The following CHN2 variants were observed in gnomAD, a reference collection of about 807,000 sequenced individuals.
CHN2 encodes the protein chimerin 2.
CHN2 carries 35 observed loss-of-function variants against 56.3 expected under a neutral mutation model. The observed-to-expected ratio is 0.62, with a 90% CI of 0.47 to 0.82. The LOEUF (loss-of-function observed/expected upper bound fraction) is 0.82. CHN2 is among the 40% of genes least tolerant of loss of function. CHN2 has a pLI of 0.00. For synonymous variants in CHN2, 210 were observed against 212.8 expected, an observed-to-expected ratio of 0.99 and a Z score of 0.12; for missense variants, 491 against 580.5, an observed-to-expected ratio of 0.85 and a Z score of 1.58.
chr7:29,159,664 G>A (rs1042363675), intron 2 of CHN2, among the ~76,000 whole-genome samples: 1 of 151,862 alleles, frequency 6.6e-6, no homozygotes, highest in African/African-American at 2.4e-5. Flanking sequence ...CCTTCTCAGT[G>A]AGATCTACCC....
At chr7:29,188,379 T>G (rs1798976094) in intron 2 of CHN2, among the ~76,000 whole-genome samples, 1 of 152,194 alleles carries the variant, frequency 6.6e-6, no homozygotes, top group African/African-American at 2.4e-5. Context: ...TAAATACATA[T>G]TAAACTTTCC....
intron 1 of CHN2, among the ~76,000 whole-genome samples, chr7:29,215,106 C>T (rs975372784): frequency 6.6e-6 from 1 of 152,090 alleles, no homozygotes; most frequent in Non-Finnish European, 1.5e-5. Flanking sequence ...AGTTCACAGT[C>T]CAAAGTTTGA....
At chr7:29,323,360 C>T (rs137902073) in intron 1 of CHN2, among the ~76,000 whole-genome samples, 4 of 152,046 alleles carry the variant, frequency 2.6e-5, no homozygotes, top group Admixed American at 1.3e-4. Context: ...CTCCTCCAGA[C>T]GTATTCCAAT....
In CHN2 at chr7:29,483,221, A is replaced by T. The variant is rs78173251; in HGVS notation, c.654+2865A>T. On this transcript the variant is annotated intron_variant, in intron 7 of 12. Coordinates refer to ENST00000222792, the MANE Select transcript of CHN2 (RefSeq NM_004067.4). ...ATTGTTTGCCCCAGTCAGAACTATT[A>T]CCCCAGGTAAAAAGCCCTTTCCTTT... 6.3e-3 allele frequency among the ~76,000 whole-genome samples: 954 copies of T among 152,148 alleles called. 9 individuals carry two copies. Among genetic ancestry groups the T allele is most frequent in the African/African-American group, 0.022 (904 of 41,498 alleles).
intron 6 of CHN2, among the ~76,000 whole-genome samples, chr7:29,418,066 T>G (rs1045172244): frequency 1.2e-4 from 18 of 152,202 alleles, no homozygotes; most frequent in African/African-American, 4.3e-4. Context: ...AGTGGAGAGA[T>G]GAAGGATTGC....
At chr7:29,487,235 G>GT (rs1019132059) in intron 7 of CHN2, among the ~76,000 whole-genome samples, 9 of 150,284 alleles carry the variant, frequency 6.0e-5, no homozygotes, top group Non-Finnish European at 1.3e-4. Flanking sequence ...GTTTTGTTTT[G>GT]TTTTTTAAGT....
rs901818650 is a variant in CHN2 at position 29,513,604 on chromosome 7, A to T, written c.*869A>T. 5 of 123,014 alleles carry T rather than the reference A, an allele frequency of 4.1e-5. No homozygotes were observed. The highest frequency in any genetic ancestry group is 1.7e-4 in the African/African-American group (5 of 28,980). 7.6% of individuals were successfully genotyped at this position (123,014 alleles called of 1,614,324 possible). The stretch of plus-strand genomic sequence containing the variant: ...ACACTGGATGTATCTGGTCTGTGTA[A>T]AAAGTTAGCACTTACCCTCTTTTCT... On this transcript the variant is annotated 3_prime_UTR_variant, in exon 13 of 13. Coordinates refer to ENST00000222792, the MANE Select transcript of CHN2 (RefSeq NM_004067.4).
chr7:29,349,298 T>G (rs1797700587), intron 1 of CHN2, among the ~76,000 whole-genome samples: 2 of 152,202 alleles, frequency 1.3e-5, no homozygotes, highest in Admixed American at 1.3e-4. Context: ...GTTTACAGAT[T>G]AAGCATTATA....
At chr7:29,295,123 A>G (rs1375873375) in intron 1 of CHN2, among the ~76,000 whole-genome samples, 4 of 152,244 alleles carry the variant, frequency 2.6e-5, no homozygotes, top group Non-Finnish European at 5.9e-5. Context: ...ATCAAATACA[A>G]TGTAAATGCT....
intron 2 of CHN2, among the ~76,000 whole-genome samples, chr7:29,160,934 C>T (rs1393385599): frequency 6.6e-6 from 1 of 152,112 alleles, no homozygotes; most frequent in East Asian, 1.9e-4. Flanking sequence ...ATATCTGTCA[C>T]CCCTGAGATA....
At chr7:29,391,956 C>T (rs1801402495) in intron 3 of CHN2, among the ~76,000 whole-genome samples, 2 of 152,176 alleles carry the variant, frequency 1.3e-5, no homozygotes, top group African/African-American at 4.8e-5. Context: ...TGTGGCTCAT[C>T]TGGGAAGTTA....
chr7:29,273,343 GTATA>G (rs55722880), intron 1 of CHN2, among the ~76,000 whole-genome samples: 1,184 of 57,864 alleles, frequency 0.02, 15 homozygotes, highest in Non-Finnish European at 0.023. Flanking sequence ...ATATATATGT[GTATA>G]TATATATATA....
At chr7:29,338,985 C>T (rs1453926559) in intron 1 of CHN2, among the ~76,000 whole-genome samples, 1 of 152,182 alleles carries the variant, frequency 6.6e-6, no homozygotes, top group Admixed American at 6.5e-5. Flanking sequence ...TCAAAATTAT[C>T]TTTCACAAAA....
chr7:29,173,130 CAA>C (rs56379349), intron 2 of CHN2, among the ~76,000 whole-genome samples: 52 of 80,112 alleles, frequency 6.5e-4, no homozygotes, highest in East Asian at 7.8e-4. Context: ...GACTCTGTAT[CAA>C]AAAAAAAAAA....
In CHN2 at chr7:29,170,715, C is replaced by T. The variant is rs185259200; in HGVS notation, c.274+23755C>T. ...TCTGTTTTCACACTGCTGATAAAGA[C>T]GTACTCGCGACTGGGCAATTTACAA... On this transcript the variant is annotated intron_variant, in intron 2 of 6. Transcript: ENST00000439384. Among the ~76,000 whole-genome samples the T allele has an allele frequency of 1.2e-4, 18 of 152,306 alleles. No homozygotes were observed. The East Asian group carries it at 2.9e-3, about 25-fold the overall frequency.
chr7:29,294,145 T>C (rs1025104046), intron 1 of CHN2, among the ~76,000 whole-genome samples: 2 of 152,034 alleles, frequency 1.3e-5, no homozygotes, highest in Admixed American at 6.5e-5. Context: ...GGATTACAGG[T>C]GTGAGCCACG....
intron 1 of CHN2, among the ~76,000 whole-genome samples, chr7:29,332,209 C>T (rs1269682384): frequency 6.6e-6 from 1 of 152,190 alleles, no homozygotes; most frequent in Non-Finnish European, 1.5e-5. Context: ...GGCCCCTTAC[C>T]AGCTGGGCTT....
At chr7:29,148,866 A>G (rs1793152875) in intron 2 of CHN2, among the ~76,000 whole-genome samples, 1 of 152,150 alleles carries the variant, frequency 6.6e-6, no homozygotes, top group Non-Finnish European at 1.5e-5. Flanking sequence ...GTGTGGGGGA[A>G]CAGAGGACAG....
At chr7:29,311,073 C>G (rs553480550) in intron 1 of CHN2, among the ~76,000 whole-genome samples, 57 of 152,318 alleles carry the variant, frequency 3.7e-4, no homozygotes, top group African/African-American at 1.3e-3. Flanking sequence ...GATGTTTTCC[C>G]TTCCTACTGC....
Sources: gnomAD v4.1 joint callset for allele counts (sites outside exome capture counted in the v4.1 genomes callset) on GRCh38, gnomAD v4.1.1 for gene constraint, MANE v1.5 for transcripts, NCBI Gene and HGNC (gene_info 2026-07-23, HGNC 2026-07-21) for gene names.